Variants in ANXA3 observed in about 807,000 individuals in gnomAD.
The protein encoded by ANXA3 is annexin A3.
ANXA3 carries 46 observed loss-of-function variants against 48.8 expected under a neutral mutation model. That is an observed-to-expected ratio of 0.94 (90% confidence interval 0.74 to 1.21). ANXA3 has a LOEUF of 1.21. Among genes scored for constraint, ANXA3 ranks in the 50% most tolerant of loss-of-function variants. The pLI, the probability that ANXA3 is intolerant of heterozygous loss-of-function variation, is 0.00. For synonymous variants in ANXA3, 128 were observed against 134.7 expected (o/e 0.95, Z 0.35); for missense variants, 383 against 378.6 (o/e 1.01, Z -0.10).
intron 2 of ANXA3, among the ~76,000 whole-genome samples, chr4:78,570,525 T>C (rs1226105714): frequency 6.6e-6 from 1 of 152,196 alleles, no homozygotes; most frequent in Non-Finnish European, 1.5e-5. Context: ...ATTCAGTATA[T>C]AGAAGGTGTG....
intron 7 of ANXA3, among the ~76,000 whole-genome samples, chr4:78,593,148 C>CACAG (rs781280480): frequency 4.0e-5 from 6 of 150,226 alleles, no homozygotes; most frequent in African/African-American, 1.5e-4. Context: ...CACACACACA[C>CACAG]ACACCACTTA....
intron 2 of ANXA3, among the ~76,000 whole-genome samples, chr4:78,555,958 T>C (rs1399359390): frequency 6.6e-6 from 1 of 151,812 alleles, no homozygotes; most frequent in African/African-American, 2.4e-5. Flanking sequence ...AAAAAAGTAA[T>C]GTAGAGGATG....
chr4:78,596,789 G>A (rs1438586233), intron 9 of ANXA3, among the ~76,000 whole-genome samples: 1 of 152,138 alleles, frequency 6.6e-6, no homozygotes. Flanking sequence ...AAATATGCCT[G>A]TATACTTGGT....
At chr4:78,594,719 GGTT>G (rs1427874376) in intron 7 of ANXA3, among the ~76,000 whole-genome samples, 3 of 152,102 alleles carry the variant, frequency 2.0e-5, no homozygotes, top group Non-Finnish European at 4.4e-5. Context: ...TTTTAAATTG[GGTT>G]GTTATTTTCA....
At chr4:78,580,283 C>A (rs549907509) in intron 4 of ANXA3, among the ~76,000 whole-genome samples, 1 of 152,090 alleles carries the variant, frequency 6.6e-6, no homozygotes, top group African/African-American at 2.4e-5. Context: ...GGGTTCTGCC[C>A]TGCTTGATCA....
chr4:78,578,960 AT>A, intron 3 of ANXA3, 66 bp from the exon 4 acceptor site: 1 of 938,222 alleles, frequency 1.1e-6, no homozygotes, highest in Non-Finnish European at 1.7e-6. Context: ...GCCATTGATC[AT>A]TTTGCTTTTG....
intron 8 of ANXA3, 151 bp downstream of exon 8, chr4:78,595,588 G>A (rs966771583): frequency 1.4e-5 from 14 of 980,740 alleles, no homozygotes; most frequent in Middle Eastern, 2.5e-4. Context: ...CTTGGGGATC[G>A]GAACCCTAAC....
chr4:78,599,873 T>C (rs985955257), intron 10 of ANXA3, among the ~76,000 whole-genome samples: 85 of 152,096 alleles, frequency 5.6e-4, no homozygotes, highest in African/African-American at 1.8e-3. Flanking sequence ...TCCAGTGAGC[T>C]ATGTTGGTGC....
intron 12 of ANXA3, among the ~76,000 whole-genome samples, chr4:78,607,103 T>C (rs557897470): frequency 6.6e-6 from 1 of 152,326 alleles, no homozygotes; most frequent in South Asian, 2.1e-4. Flanking sequence ...TGGCTCTCCG[T>C]TCCCCAGTGG....
intron 3 of ANXA3, among the ~76,000 whole-genome samples, chr4:78,573,564 G>C (rs1392273020): frequency 1.3e-5 from 2 of 152,172 alleles, no homozygotes; most frequent in Non-Finnish European, 2.9e-5. Context: ...ATCTAGAGAA[G>C]AAATTCAAGG....
chr4:78,558,700 C>T (rs186103179), intron 2 of ANXA3, among the ~76,000 whole-genome samples: 68 of 152,260 alleles, frequency 4.5e-4, no homozygotes, highest in Admixed American at 1.5e-3. Flanking sequence ...TTAGTATTTC[C>T]TTTGTTTGCA....
intron 12 of ANXA3, among the ~76,000 whole-genome samples, chr4:78,607,286 G>A (rs1322818483): frequency 6.6e-6 from 1 of 152,152 alleles, no homozygotes; most frequent in Non-Finnish European, 1.5e-5. Context: ...TTTTGCTATT[G>A]AAGAACAGGA....
intron 2 of ANXA3, among the ~76,000 whole-genome samples, chr4:78,568,983 G>A (rs560041889): frequency 1.3e-5 from 2 of 152,334 alleles, no homozygotes; most frequent in South Asian, 2.1e-4. Context: ...CTGTGAAAAG[G>A]ATTTATTATA....
intron 2 of ANXA3, among the ~76,000 whole-genome samples, chr4:78,568,722 C>G (rs1158463191): frequency 1.3e-5 from 2 of 152,248 alleles, no homozygotes; most frequent in Non-Finnish European, 2.9e-5. Flanking sequence ...CAAAAACAGA[C>G]TGGCCTCTCC....
chr4:78,593,904 A>T (rs1233323513), intron 7 of ANXA3, among the ~76,000 whole-genome samples: 1 of 148,564 alleles, frequency 6.7e-6, no homozygotes, highest in Non-Finnish European at 1.5e-5. Flanking sequence ...ATATTGATAC[A>T]TTATTATTAA....
chr4:78,597,150 A>G, intron 9 of ANXA3, 169 bp from the exon 10 acceptor site: 1 of 539,984 alleles, frequency 1.9e-6, no homozygotes, highest in Non-Finnish European at 3.2e-6. Flanking sequence ...TGATTTCCTT[A>G]AAAAGGAACA....
At chr4:78,565,351 G>T (rs1235819319) in intron 2 of ANXA3, among the ~76,000 whole-genome samples, 1 of 152,244 alleles carries the variant, frequency 6.6e-6, no homozygotes, top group Non-Finnish European at 1.5e-5. Context: ...GTAGGAAGTA[G>T]AGAGGAACAT....
intron 7 of ANXA3, among the ~76,000 whole-genome samples, chr4:78,594,792 T>A (rs1723381124): frequency 1.3e-5 from 2 of 152,246 alleles, no homozygotes; most frequent in South Asian, 4.1e-4. Context: ...AGATACATGT[T>A]ACAAATATGT....
chr4:78,589,814 C>T (rs1723253759), intron 6 of ANXA3, among the ~76,000 whole-genome samples: 1 of 152,146 alleles, frequency 6.6e-6, no homozygotes, highest in Non-Finnish European at 1.5e-5. Context: ...TCTTCTACAG[C>T]TTATTCAGTA....
Sources: gnomAD v4.1 joint callset for allele counts (sites outside exome capture counted in the v4.1 genomes callset) on GRCh38, gnomAD v4.1.1 for gene constraint, MANE v1.5 for transcripts, NCBI Gene and HGNC (gene_info 2026-07-23, HGNC 2026-07-21) for gene names.